ANKS1B: variants seen among roughly 807,000 people sequenced by gnomAD.
ANKS1B encodes the protein ankyrin repeat and sterile alpha motif domain containing 1B, also known as ankyrin repeat and sterile alpha motif domain-containing protein 1B.
A neutral mutation model predicts 148.3 loss-of-function variants in ANKS1B; 36 were observed. That is an observed-to-expected ratio of 0.24 (90% CI 0.19 to 0.32). The LOEUF (loss-of-function observed/expected upper bound fraction) is 0.32, where lower values mean the gene tolerates loss of function less well. Ranked by LOEUF, ANKS1B falls within the 10% of genes least tolerant of loss-of-function variation. The pLI is 1.00. For missense variants in ANKS1B, 1,157 were observed against 1,542.6 expected, an observed-to-expected ratio of 0.75 and a Z score of 4.19; for synonymous variants, 542 against 560.8, an observed-to-expected ratio of 0.97 and a Z score of 0.47.
intron 1 of ANKS1B, among the ~76,000 whole-genome samples, chr12:99,905,772 T>C (rs949407820): frequency 6.6e-6 from 1 of 152,202 alleles, no homozygotes; most frequent in Admixed American, 6.5e-5. Flanking sequence ...CCTCTTCTTA[T>C]AGAGATACCA....
rs2099757771 is a variant in ANKS1B, at chr12:98,893,847, T to C, written c.2779-61711A>G. On this transcript the variant is annotated intron_variant, in intron 17 of 26. Coordinates refer to ENST00000683438, the MANE Select transcript of ANKS1B (RefSeq NM_001352186.2). Reference sequence around the variant, plus strand: ...CTGTCCATTTGTTTTAGGGGCTGTTTATAAACGGCTGGTTTTCTTGGAGGA... The same window carrying C: ...CTGTCCATTTGTTTTAGGGGCTGTTCATAAACGGCTGGTTTTCTTGGAGGA... 3 of 152,370 alleles carry C rather than the reference T, an allele frequency of 2.0e-5. No homozygotes were observed. In the South Asian group the frequency reaches 6.2e-4, roughly 32 times the overall value. 9.4% of individuals were successfully genotyped at this position (152,370 alleles called of 1,614,324 possible).
rs138810454 is a variant in ANKS1B, at chr12:99,972,893, T to C, written c.134+11211A>G. ...GCTGGTGACTTTAACTTGAAACCAA[T>C]GCTTATTTACCATTCCAAAAATCCT... On this transcript the variant is annotated intron_variant, in intron 1 of 26. Transcript: ENST00000683438. 3.9e-5 allele frequency among the ~76,000 whole-genome samples: 6 copies of C among 152,278 alleles called. No homozygotes were observed. The East Asian group carries it at 1.2e-3, about 29-fold the overall frequency.
At chr12:99,010,523 C>A (rs1034573007) in intron 17 of ANKS1B, among the ~76,000 whole-genome samples, 4 of 152,090 alleles carry the variant, frequency 2.6e-5, no homozygotes, top group Admixed American at 6.6e-5. Context: ...TAAAATATCT[C>A]ATTGAAACCT....
intron 14 of ANKS1B, among the ~76,000 whole-genome samples, chr12:99,209,619 A>G (rs977942979): frequency 6.6e-6 from 1 of 152,198 alleles, no homozygotes; most frequent in African/African-American, 2.4e-5. Context: ...AATGCCCAAT[A>G]TTGTAACCAG....
chr12:99,586,662 A>C (rs1416814506), intron 9 of ANKS1B, among the ~76,000 whole-genome samples: 1 of 152,088 alleles, frequency 6.6e-6, no homozygotes, highest in Non-Finnish European at 1.5e-5. Flanking sequence ...ATAAAGGCAT[A>C]CTCGAGGCTG....
chr12:99,055,132 G>A (rs531365223), intron 16 of ANKS1B, among the ~76,000 whole-genome samples: 3 of 152,256 alleles, frequency 2.0e-5, no homozygotes, highest in Admixed American at 6.5e-5. Flanking sequence ...ATAGATATTC[G>A]GTAGCTTCAT....
intron 1 of ANKS1B, among the ~76,000 whole-genome samples, chr12:99,877,446 A>G (rs1221295400): frequency 2.6e-5 from 4 of 152,262 alleles, no homozygotes; most frequent in Non-Finnish European, 2.9e-5. Context: ...CCTTCTGTCT[A>G]TGGTGTAAAC....
chr12:99,863,410 T>C (rs141705850), intron 1 of ANKS1B, among the ~76,000 whole-genome samples: 4 of 152,228 alleles, frequency 2.6e-5, no homozygotes, highest in African/African-American at 4.8e-5. Flanking sequence ...TCCTTCTCTC[T>C]CTTCATCATA....
intron 1 of ANKS1B, among the ~76,000 whole-genome samples, chr12:99,966,023 G>T (rs1044336068): frequency 1.3e-4 from 20 of 152,150 alleles, no homozygotes; most frequent in African/African-American, 4.8e-4. Context: ...CTGGCTTATT[G>T]TCTTTGTGTC....
At chr12:99,066,473 T>C (rs1373698797) in intron 16 of ANKS1B, among the ~76,000 whole-genome samples, 1 of 152,138 alleles carries the variant, frequency 6.6e-6, no homozygotes, top group African/African-American at 2.4e-5. Flanking sequence ...GTTGGAGCAG[T>C]GTGTGTGCAC....
chr12:98,903,918 T>G (rs1174306265), intron 17 of ANKS1B, among the ~76,000 whole-genome samples: 1 of 152,120 alleles, frequency 6.6e-6, no homozygotes, highest in Non-Finnish European at 1.5e-5. Context: ...ACTGCAAAAT[T>G]TTTTCTTATA....
At chr12:99,617,336 C>T (rs541478175) in intron 9 of ANKS1B, among the ~76,000 whole-genome samples, 144 of 151,930 alleles carry the variant, frequency 9.5e-4, no homozygotes, top group Non-Finnish European at 1.7e-3. Context: ...TGACGACACA[C>T]ATGGATGTTT....
chr12:99,594,165 A>C (rs2097732846), intron 9 of ANKS1B, among the ~76,000 whole-genome samples: 1 of 152,076 alleles, frequency 6.6e-6, no homozygotes, highest in Non-Finnish European at 1.5e-5. Flanking sequence ...AAGTGCTTAA[A>C]CTGTCAAGTG....
At chr12:99,224,302 A>G (rs551409336) in intron 14 of ANKS1B, among the ~76,000 whole-genome samples, 2 of 152,322 alleles carry the variant, frequency 1.3e-5, no homozygotes, top group African/African-American at 4.8e-5. Flanking sequence ...GTGCTTTCAT[A>G]TAAATGACCT....
intron 15 of ANKS1B, among the ~76,000 whole-genome samples, chr12:99,145,586 G>C (rs1402529341): frequency 6.6e-6 from 1 of 152,080 alleles, no homozygotes; most frequent in East Asian, 1.9e-4. Flanking sequence ...GGTTAAAGCA[G>C]ACATCCTCTT....
chr12:99,042,023 C>T (rs77588714), intron 17 of ANKS1B, among the ~76,000 whole-genome samples: 8,288 of 150,014 alleles, frequency 0.055, 629 homozygotes, highest in African/African-American at 0.18. Flanking sequence ...CAAAACAAAA[C>T]AAAACAAAAT....
At chr12:99,974,406 A>G (rs541642252) in intron 1 of ANKS1B, among the ~76,000 whole-genome samples, 10 of 152,308 alleles carry the variant, frequency 6.6e-5, no homozygotes, top group Non-Finnish European at 8.8e-5. Context: ...CTAAGTAATA[A>G]CGTCTGATAT....
chr12:99,914,753 C>T (rs2094118235), intron 1 of ANKS1B, among the ~76,000 whole-genome samples: 1 of 152,010 alleles, frequency 6.6e-6, no homozygotes, highest in East Asian at 1.9e-4. Flanking sequence ...ACTAAACACT[C>T]AAATCTGCTG....
intron 17 of ANKS1B, among the ~76,000 whole-genome samples, chr12:98,840,078 T>C (rs996118399): frequency 6.6e-5 from 10 of 152,066 alleles, no homozygotes; most frequent in Admixed American, 5.2e-4. Flanking sequence ...CCTGTCAAGG[T>C]GGACAACAAA....
Sources: gnomAD v4.1 joint callset for allele counts (sites outside exome capture counted in the v4.1 genomes callset) on GRCh38, gnomAD v4.1.1 for gene constraint, MANE v1.5 for transcripts, NCBI Gene and HGNC (gene_info 2026-07-23, HGNC 2026-07-21) for gene names.